RBFOX1: variants seen among roughly 807,000 people sequenced by gnomAD.
The protein encoded by RBFOX1 is RNA binding fox-1 homolog 1.
Under a neutral mutation model 57.7 loss-of-function variants are expected in RBFOX1, and 8 were observed. That is an observed-to-expected ratio of 0.14 (90% CI 0.08 to 0.25). RBFOX1 has a LOEUF of 0.25. Ranked by LOEUF, RBFOX1 falls within the 10% of genes least tolerant of loss-of-function variation. RBFOX1 has a pLI of 1.00. For synonymous variants in RBFOX1, 326 were observed against 222.4 expected (o/e 1.47, Z -4.15); for missense variants, 611 against 548.5 (o/e 1.11, Z -1.14).
intron 3 of RBFOX1, among the ~76,000 whole-genome samples, chr16:6,739,347 C>G (rs1035329656): frequency 6.6e-6 from 1 of 152,092 alleles, no homozygotes; most frequent in Non-Finnish European, 1.5e-5. Flanking sequence ...CTGAACAGCT[C>G]TGCACTTACT....
chr16:7,191,363 C>T (rs1025275905), intron 4 of RBFOX1, among the ~76,000 whole-genome samples: 2 of 150,806 alleles, frequency 1.3e-5, no homozygotes, highest in Admixed American at 6.6e-5. Flanking sequence ...CAGCACATTG[C>T]TACAATATTT....
Position 6,171,532 on chromosome 16 carries a change from G to C in RBFOX1, c.-126-145463G>C, listed in dbSNP as rs141213359. Among the ~76,000 whole-genome samples the C allele has an allele frequency of 1.8e-4, 27 of 152,286 alleles. No homozygotes were observed. In the East Asian group the frequency reaches 4.6e-3, roughly 26 times the overall value. ...GGATATTTGGCTCATTGGCTTGTTG[G>C]ACCAGCAGTTAGATTTGGAGTGGTT... is the stretch of plus-strand genomic sequence containing the variant. On this transcript the variant is annotated intron_variant, in intron 1 of 15. Coordinates refer to ENST00000550418, the MANE Select transcript of RBFOX1 (RefSeq NM_018723.4).
intron 11 of RBFOX1, among the ~76,000 whole-genome samples, chr16:7,634,093 A>C (rs1490912334): frequency 6.6e-6 from 1 of 152,132 alleles, no homozygotes; most frequent in East Asian, 1.9e-4. Flanking sequence ...CACATATTTT[A>C]TCTTTGCTCT....
intron 3 of RBFOX1, among the ~76,000 whole-genome samples, chr16:5,669,604 G>T (rs2049956179): frequency 6.6e-6 from 1 of 152,058 alleles, no homozygotes; most frequent in Non-Finnish European, 1.5e-5. Flanking sequence ...ATTTTTATTA[G>T]AGACGGGGTT....
At chr16:7,042,619 A>T (rs1005158841) in intron 3 of RBFOX1, among the ~76,000 whole-genome samples, 2 of 152,224 alleles carry the variant, frequency 1.3e-5, no homozygotes, top group South Asian at 4.1e-4. Flanking sequence ...TTAGTGTGCA[A>T]TTTATTTCAG....
chr16:5,982,609 A>G (rs1167671950), intron 4 of RBFOX1, among the ~76,000 whole-genome samples: 13 of 152,138 alleles, frequency 8.5e-5, no homozygotes. Flanking sequence ...TCTCATACCT[A>G]GAATGCTCAT....
intron 3 of RBFOX1, among the ~76,000 whole-genome samples, chr16:6,987,436 C>G (rs998308979): frequency 6.7e-6 from 1 of 148,290 alleles, no homozygotes; most frequent in African/African-American, 2.5e-5. Context: ...TATCTCAGGA[C>G]AGCAACAGAA....
At chr16:5,889,062 A>G (rs1471098676) in intron 4 of RBFOX1, among the ~76,000 whole-genome samples, 1 of 152,108 alleles carries the variant, frequency 6.6e-6, no homozygotes, top group African/African-American at 2.4e-5. Flanking sequence ...AAATGTCACT[A>G]CGTAGTCATT....
chr16:6,309,494 G>C (rs922961257), intron 1 of RBFOX1, among the ~76,000 whole-genome samples: 3 of 152,188 alleles, frequency 2.0e-5, no homozygotes, highest in Non-Finnish European at 4.4e-5. Context: ...ATTGCTGACA[G>C]GGAAGCGGAG....
In RBFOX1 at chr16:6,306,647, G is replaced by A. The variant is rs548938439; in HGVS notation, c.-126-10348G>A. On this transcript the variant is annotated intron_variant, in intron 1 of 15. Transcript: ENST00000550418. ...TCTTGGTCAGAAGAACTCACTGGCC[G>A]TTTCTACTTAGATGGGAAGGAGCAT... is the stretch of plus-strand genomic sequence containing the variant. 1.8e-4 allele frequency among the ~76,000 whole-genome samples: 28 copies of A among 152,248 alleles called. No homozygotes were observed. In the South Asian group the frequency reaches 2.5e-3, roughly 14 times the overall value.
At chr16:5,699,020 C>G (rs2050939931) in intron 3 of RBFOX1, among the ~76,000 whole-genome samples, 1 of 132,368 alleles carries the variant, frequency 7.6e-6, no homozygotes, top group South Asian at 2.3e-4. Context: ...CAGAGTCTTG[C>G]TCTGTTGCCC....
intron 4 of RBFOX1, among the ~76,000 whole-genome samples, chr16:5,904,715 C>T (rs893734418): frequency 1.9e-4 from 29 of 151,914 alleles, no homozygotes; most frequent in Non-Finnish European, 3.1e-4. Context: ...CAGTGTCTCG[C>T]GCCTGTAATC....
chr16:6,959,171 C>T (rs192427979), intron 3 of RBFOX1, among the ~76,000 whole-genome samples: 1 of 152,200 alleles, frequency 6.6e-6, no homozygotes, highest in Non-Finnish European at 1.5e-5. Flanking sequence ...AAAGCCTGGG[C>T]CTTTTCATCT....
At position 7,187,655 on chromosome 16, in the gene RBFOX1, G is replaced by C. The variant is rs1234752460; in HGVS notation, c.27+135557G>C. ...AGTGAGCCGAGATCGTGCCACTGCA[G>C]TCCAGCCTGGGCAACAGAATGAGAC... On this transcript the variant is annotated intron_variant, in intron 4 of 15. Transcript: ENST00000550418. Among the ~76,000 whole-genome samples the C allele has an allele frequency of 3.8e-4, 45 of 118,370 alleles. No individual in the cohort carries two copies. In the South Asian group the frequency reaches 5.1e-3, roughly 14 times the overall value. The allele number at this position is 118,370 out of a possible 152,430, so 77.7% of individuals were successfully genotyped here. A position where few individuals can be genotyped will look rare whatever the true frequency, so the allele number is the denominator to read the frequency against.
At chr16:6,864,127 TTAGC>T (rs1276376682) in intron 3 of RBFOX1, among the ~76,000 whole-genome samples, 1 of 152,096 alleles carries the variant, frequency 6.6e-6, no homozygotes, top group East Asian at 1.9e-4. Flanking sequence ...AGGAGTCTCT[TTAGC>T]AGGAAGAAGG....
At chr16:6,611,515 C>A (rs939503284) in intron 2 of RBFOX1, among the ~76,000 whole-genome samples, 4 of 152,128 alleles carry the variant, frequency 2.6e-5, no homozygotes, top group African/African-American at 9.7e-5. Flanking sequence ...CTCTTTGCCC[C>A]CGTGTGATTC....
At chr16:7,632,319 A>G (rs1467754134) in intron 11 of RBFOX1, among the ~76,000 whole-genome samples, 1 of 152,188 alleles carries the variant, frequency 6.6e-6, no homozygotes, top group Non-Finnish European at 1.5e-5. Context: ...GTTCTTTCTG[A>G]ATTTGTGACA....
chr16:7,147,289 G>A (rs1175040511), intron 4 of RBFOX1, among the ~76,000 whole-genome samples: 1 of 151,634 alleles, frequency 6.6e-6, no homozygotes, highest in African/African-American at 2.4e-5. Flanking sequence ...ACAGGCATGA[G>A]CCACCACACC....
intron 4 of RBFOX1, among the ~76,000 whole-genome samples, chr16:7,349,376 C>T (rs1302655588): frequency 1.3e-5 from 2 of 152,164 alleles, no homozygotes; most frequent in South Asian, 2.1e-4. Flanking sequence ...CTCTTAAAAA[C>T]TAAATCCTCC....
Sources: gnomAD v4.1 joint callset for allele counts (sites outside exome capture counted in the v4.1 genomes callset) on GRCh38, gnomAD v4.1.1 for gene constraint, MANE v1.5 for transcripts, NCBI Gene and HGNC (gene_info 2026-07-23, HGNC 2026-07-21) for gene names.